The following MAD1L1 variants were observed in gnomAD, a reference collection of about 807,000 sequenced individuals.
MAD1L1 encodes mitotic arrest deficient 1 like 1.
A neutral mutation model predicts 96.9 loss-of-function variants in MAD1L1; 95 were observed. The observed-to-expected ratio is 0.98, with a 90% CI of 0.83 to 1.16. MAD1L1 has a LOEUF of 1.16. Ranked by LOEUF, MAD1L1 falls within the 50% of genes most tolerant of loss-of-function variation. The pLI is 0.00. For missense variants in MAD1L1, 1,007 were observed against 954.4 expected (o/e 1.06, Z -0.73); for synonymous variants, 473 against 396.6 (o/e 1.19, Z -2.29).
chr7:1,934,309 C>T (rs992256080), intron 17 of MAD1L1, among the ~76,000 whole-genome samples: 5 of 152,192 alleles, frequency 3.3e-5, no homozygotes, highest in African/African-American at 7.2e-5. Flanking sequence ...GCACCTGTCA[C>T]AGCCAGATGC....
chr7:1,949,093 G>A (rs1470533223), intron 16 of MAD1L1, among the ~76,000 whole-genome samples: 4 of 152,162 alleles, frequency 2.6e-5, no homozygotes, highest in South Asian at 2.1e-4. Context: ...AACGCTGCCC[G>A]GGCCCTGCTC....
intron 7 of MAD1L1, among the ~76,000 whole-genome samples, chr7:2,216,973 A>G (rs990989833): frequency 1.3e-5 from 2 of 152,066 alleles, no homozygotes; most frequent in Non-Finnish European, 2.9e-5. Flanking sequence ...CCCTCCGCGT[A>G]CTGGGAGCTG....
intron 18 of MAD1L1, chr7:1,848,972 C>G (rs892258422): frequency 6.5e-6 from 1 of 154,522 alleles, no homozygotes; most frequent in African/African-American, 2.4e-5. Flanking sequence ...CCCAGTCACT[C>G]AGAATCACAC....
chr7:1,888,381 T>TATACTTGTGTGTGC (rs879308722), intron 18 of MAD1L1, among the ~76,000 whole-genome samples: 1 of 147,574 alleles, frequency 6.8e-6, no homozygotes, highest in Non-Finnish European at 1.5e-5. Context: ...TGTGGCTGCC[T>TATACTTGTGTGTGC]ATGCGTGTGT....
intron 12 of MAD1L1, among the ~76,000 whole-genome samples, chr7:2,018,008 G>C (rs1291177437): frequency 6.6e-6 from 1 of 152,092 alleles, no homozygotes; most frequent in East Asian, 1.9e-4. Flanking sequence ...GCACCCACAG[G>C]AGCGGGAGAC....
At chr7:2,218,538 C>T (rs1475905201) in intron 6 of MAD1L1, among the ~76,000 whole-genome samples, 1 of 152,228 alleles carries the variant, frequency 6.6e-6, no homozygotes, top group East Asian at 1.9e-4. Flanking sequence ...GTCTGTGCCT[C>T]GGCTCAGCCC....
At chr7:2,168,776 G>A (rs1260749431) in intron 10 of MAD1L1, among the ~76,000 whole-genome samples, 1 of 152,256 alleles carries the variant, frequency 6.6e-6, no homozygotes, top group South Asian at 2.1e-4. Context: ...GGAGGGTGGA[G>A]GAAGAACACA....
At chr7:1,970,614 G>A (rs941329846) in intron 15 of MAD1L1, among the ~76,000 whole-genome samples, 9 of 152,148 alleles carry the variant, frequency 5.9e-5, no homozygotes, top group Admixed American at 3.9e-4. Context: ...GATAAAAGGC[G>A]TGAGCCACCA....
chr7:1,857,854 G>A (rs1221652672), intron 18 of MAD1L1, among the ~76,000 whole-genome samples: 1 of 152,222 alleles, frequency 6.6e-6, no homozygotes, highest in African/African-American at 2.4e-5. Flanking sequence ...CAGGAAGGCA[G>A]GTGGTGCCTG....
At chr7:2,085,153 C>G (rs1475846243) in intron 11 of MAD1L1, among the ~76,000 whole-genome samples, 1 of 152,214 alleles carries the variant, frequency 6.6e-6, no homozygotes, top group East Asian at 1.9e-4. Context: ...ATGCTAGCCA[C>G]GGGTCTCAGA....
intron 16 of MAD1L1, among the ~76,000 whole-genome samples, chr7:1,941,581 C>T (rs1204072485): frequency 6.6e-6 from 1 of 152,048 alleles, no homozygotes; most frequent in African/African-American, 2.4e-5. Flanking sequence ...GCCACCGTGT[C>T]CGGGCTGGGA....
intron 10 of MAD1L1, among the ~76,000 whole-genome samples, chr7:2,152,931 C>G (rs920509420): frequency 2.0e-5 from 3 of 152,156 alleles, no homozygotes; most frequent in Non-Finnish European, 4.4e-5. Context: ...GAAAACACTT[C>G]AAGTACAATC....
intron 10 of MAD1L1, among the ~76,000 whole-genome samples, chr7:2,211,295 G>A (rs555315708): frequency 3.2e-4 from 48 of 152,188 alleles, no homozygotes; most frequent in African/African-American, 1.9e-4. Context: ...TGCTGGCCAC[G>A]CCCAGGCAGC....
Position 1,898,394 on chromosome 7 carries a change from C to A in MAD1L1, c.1808-4G>T. On this transcript the variant is annotated splice_region_variant and splice_polypyrimidine_tract_variant and intron_variant, in intron 17 of 18. Transcript: ENST00000265854. ...CTCTCCACCTGCTTCTTCAGCTCTG[C>A]GGGAGGGACGGAAGGAGACAGTGAG... 6.2e-7 allele frequency: 1 copy of A among 1,613,042 alleles called. No individual in the cohort carries two copies. The highest frequency in any genetic ancestry group is 8.5e-7 in the Non-Finnish European group (1 of 1,179,470).
intron 12 of MAD1L1, among the ~76,000 whole-genome samples, chr7:2,034,250 G>T (rs1014913216): frequency 6.8e-6 from 1 of 146,800 alleles, no homozygotes; most frequent in Non-Finnish European, 1.5e-5. Context: ...ACGGAGTCTC[G>T]CTGTCGCCCA....
At chr7:2,033,893 C>A (rs779700978) in intron 12 of MAD1L1, among the ~76,000 whole-genome samples, 3 of 152,206 alleles carry the variant, frequency 2.0e-5, no homozygotes, top group Non-Finnish European at 4.4e-5. Flanking sequence ...TCACCTGAGA[C>A]CAGCCTGGGC....
At chr7:2,144,233 G>A (rs1235273794) in intron 11 of MAD1L1, among the ~76,000 whole-genome samples, 2 of 152,240 alleles carry the variant, frequency 1.3e-5, no homozygotes, top group African/African-American at 4.8e-5. Flanking sequence ...GCGTCTGTGA[G>A]GCTCAAGTGA....
chr7:1,979,063 G>GCCCTTTTCCTGCTTTACTCTCGGCAA (rs1780775739), intron 15 of MAD1L1, among the ~76,000 whole-genome samples: 2 of 152,258 alleles, frequency 1.3e-5, no homozygotes, highest in Non-Finnish European at 2.9e-5. Flanking sequence ...ACTAAAGGCA[G>GCCCTTTTCCTGCTTTACTCTCGGCAA]CCCTTTTCCT....
At chr7:1,852,847 C>T (rs1242014429) in intron 18 of MAD1L1, among the ~76,000 whole-genome samples, 1 of 152,092 alleles carries the variant, frequency 6.6e-6, no homozygotes, top group Non-Finnish European at 1.5e-5. Context: ...ACAAATGAGA[C>T]TCTGAGAGCC....
Sources: gnomAD v4.1 joint callset for allele counts (sites outside exome capture counted in the v4.1 genomes callset) on GRCh38, gnomAD v4.1.1 for gene constraint, MANE v1.5 for transcripts, NCBI Gene and HGNC (gene_info 2026-07-23, HGNC 2026-07-21) for gene names.